Variants in XYLB observed in about 807,000 individuals in gnomAD.
The protein encoded by XYLB is xylulose kinase.
Under a neutral mutation model 78.7 loss-of-function variants are expected in XYLB, and 62 were observed. That is an observed-to-expected ratio of 0.79 (90% CI 0.64 to 0.97). The LOEUF is 0.97. Among genes scored for constraint, XYLB ranks in the 50% least tolerant of loss-of-function variants. The pLI is 0.00. For synonymous variants in XYLB, 245 were observed against 247.4 expected (o/e 0.99, Z 0.09); for missense variants, 687 against 676.8 (o/e 1.02, Z -0.17).
chr3:38,411,414 A>T, intron 18 of XYLB, among the ~76,000 whole-genome samples: 1 of 152,120 alleles, frequency 6.6e-6, no homozygotes, highest in East Asian at 1.9e-4. Flanking sequence ...TAGCATTAGG[A>T]GATATACCTG....
Position 38,364,255 on chromosome 3 carries a change from G to A in XYLB, c.292-944G>A, listed in dbSNP as rs539113200. ...CCACCCCACATCCAAGGGTCCTCAC[G>A]TCCCACTGATTTGTCTGTGACTCTT... On this transcript the variant is annotated intron_variant, in intron 4 of 18. Coordinates refer to ENST00000207870, the MANE Select transcript of XYLB (RefSeq NM_005108.4). 1.1e-4 allele frequency among the ~76,000 whole-genome samples: 16 copies of A among 151,756 alleles called. 1 individual carries two copies. The South Asian group carries it at 3.4e-3, about 32-fold the overall frequency.
rs759890738 is a variant in XYLB, at chr3:38,370,129, T to C, written c.720T>C (p.His240=). Residue 240 remains histidine (H), a synonymous_variant, in exon 9 of 19, where the codon CAT becomes CAC. Coordinates refer to ENST00000207870, the MANE Select transcript of XYLB (RefSeq NM_005108.4). The part of the protein sequence containing the change: ...SQACLGACAP[H]LEEKLSPPVP... ...CTTGCCTTGGTGCCTGTGCACCTCA[T>C]TTAGAGGAGAAGCTTAGCCCACCAG... The C allele has an allele frequency of 1.2e-6, 2 of 1,614,034 alleles. No homozygotes were observed. The highest frequency in any genetic ancestry group is 2.7e-5 in the African/African-American group (2 of 74,912).
intron 4 of XYLB, among the ~76,000 whole-genome samples, chr3:38,363,290 G>T (rs1263426321): frequency 1.3e-5 from 2 of 152,224 alleles, no homozygotes; most frequent in Non-Finnish European, 2.9e-5. Context: ...GAAGGGGATG[G>T]AGGAAGCAAT....
intron 2 of XYLB, among the ~76,000 whole-genome samples, chr3:38,353,162 T>A (rs1054972318): frequency 6.3e-5 from 9 of 142,760 alleles, no homozygotes; most frequent in Admixed American, 6.9e-5. Context: ...AACTCACCTA[T>A]GTTTTTATCT....
intron 17 of XYLB, among the ~76,000 whole-genome samples, chr3:38,398,140 C>T (rs1279987755): frequency 2.0e-5 from 3 of 150,996 alleles, no homozygotes; most frequent in Non-Finnish European, 2.9e-5. Flanking sequence ...TTTCTATCAA[C>T]GTTGAGAATT....
intron 18 of XYLB, among the ~76,000 whole-genome samples, chr3:38,412,018 T>C (rs1708613898): frequency 6.7e-6 from 1 of 149,200 alleles, no homozygotes. Flanking sequence ...TGAGACAGAG[T>C]CTTGCTCTGT....
rs375350114 is a variant in XYLB, at chr3:38,365,257, C to T, written c.350C>T (p.Pro117Leu). The change falls in exon 5 of 19, where the codon CCA becomes CTA. Residue 117 changes from proline to leucine, a missense_variant. Coordinates refer to ENST00000207870, the MANE Select transcript of XYLB (RefSeq NM_005108.4). ...CAGCAGGCACTGACAAGCTTATCAC[C>T]AGACCTCCGGCTACACCAGCAGCTG... ...GAQQALTSLS[P>L]DLRLHQQLQD... 6.2e-6 allele frequency: 10 copies of T among 1,614,104 alleles called. No homozygotes were observed. Among genetic ancestry groups the T allele is most frequent in the Non-Finnish European group, 6.8e-6 (8 of 1,180,048 alleles).
At chr3:38,405,573 G>C (rs1708282596) in intron 18 of XYLB, among the ~76,000 whole-genome samples, 1 of 152,220 alleles carries the variant, frequency 6.6e-6, no homozygotes, top group African/African-American at 2.4e-5. Context: ...AGCCGAAGCA[G>C]GGCGAGGCAT....
chr3:38,365,199 C>T lies in XYLB; in HGVS notation c.292C>T (p.Gln98Ter). ...ACCATGTGCTTGGGTTTCCCAACAG[C>T]AACACGGAAGTATATACTGGAAGGC... The part of the protein sequence containing the change: ...QVLALSGAGQ[Q>*]HGSIYWKAGA... The change falls in exon 5 of 19, where the codon CAA (glutamine) becomes TAA (stop). Residue 98 changes from glutamine (Q) to a stop codon, truncating the protein, a stop_gained and splice_region_variant. Transcript: ENST00000207870. LOFTEE classifies it high-confidence loss of function. 1 of 1,614,106 alleles carries T rather than the reference C, an allele frequency of 6.2e-7. No homozygotes were observed. The highest frequency in any genetic ancestry group is 8.5e-7 in the Non-Finnish European group (1 of 1,179,986).
At chr3:38,430,916 A>G in the XYLB span, among the ~76,000 whole-genome samples, 1 of 151,866 alleles carries the variant, frequency 6.6e-6, no homozygotes, top group African/African-American at 2.4e-5. Flanking sequence ...TGATCTATAT[A>G]TCTGTTTTGG....
chr3:38,441,934 C>T, the XYLB span, among the ~76,000 whole-genome samples: 3 of 152,234 alleles, frequency 2.0e-5, no homozygotes, highest in East Asian at 1.9e-4. Flanking sequence ...AAGGCTGGAG[C>T]TTGTACTAGG....
At chr3:38,352,113 A>G in intron 2 of XYLB, among the ~76,000 whole-genome samples, 1 of 152,254 alleles carries the variant, frequency 6.6e-6, no homozygotes, top group Non-Finnish European at 1.5e-5. Context: ...TGGTGATTTT[A>G]AGAAAAAAAA....
chr3:38,396,955 T>C, intron 16 of XYLB, 117 bp from the exon 17 acceptor site: 1 of 988,952 alleles, frequency 1.0e-6, no homozygotes. Flanking sequence ...GCAGTCGAGG[T>C]GGAATGGAAG....
chr3:38,433,915 C>T, the XYLB span, among the ~76,000 whole-genome samples: 3 of 152,160 alleles, frequency 2.0e-5, no homozygotes, highest in African/African-American at 4.8e-5. Context: ...TTCTCAAGCT[C>T]CTATGAATAA....
the XYLB span, among the ~76,000 whole-genome samples, chr3:38,449,668 GCT>G: frequency 6.6e-6 from 1 of 152,170 alleles, no homozygotes; most frequent in African/African-American, 2.4e-5. Context: ...CATTTACCAT[GCT>G]CTCTTTCCCT....
chr3:38,448,538 T>A, the XYLB span, among the ~76,000 whole-genome samples: 1 of 152,226 alleles, frequency 6.6e-6, no homozygotes, highest in Non-Finnish European at 1.5e-5. Context: ...TGAATGATTT[T>A]TCTGCTTCTT....
the XYLB span, among the ~76,000 whole-genome samples, chr3:38,431,193 A>G: frequency 6.6e-6 from 1 of 152,148 alleles, no homozygotes; most frequent in Non-Finnish European, 1.5e-5. Flanking sequence ...CGAGCATGGA[A>G]TGTTCTTCCA....
chr3:38,452,944 C>T, the XYLB span: 5 of 152,120 alleles, frequency 3.3e-5, no homozygotes, highest in African/African-American at 1.2e-4. Flanking sequence ...AGACAGAGGA[C>T]AATTAATGTT....
chr3:38,348,361 A>C (rs531037575), intron 1 of XYLB, among the ~76,000 whole-genome samples, 189 bp from the exon 2 acceptor site: 2 of 152,132 alleles, frequency 1.3e-5, no homozygotes, highest in East Asian at 3.9e-4. Flanking sequence ...CATTTTACTA[A>C]ATCTTTGAGT....
Sources: allele counts gnomAD v4.1 joint callset (sites outside exome capture counted in the v4.1 genomes callset), GRCh38; gene constraint gnomAD v4.1.1; transcripts MANE v1.5; gene names NCBI Gene and HGNC (gene_info 2026-07-23, HGNC 2026-07-21).